DSCAML1: variants seen among roughly 807,000 people sequenced by gnomAD.
The protein encoded by DSCAML1 is DS cell adhesion molecule like 1.
DSCAML1 carries 38 observed loss-of-function variants against 200.5 expected under a neutral mutation model. The ratio of observed to expected loss-of-function variants is 0.19; its 90% CI spans 0.15 to 0.25. The LOEUF is 0.25. Ranked by LOEUF, DSCAML1 falls within the 10% of genes least tolerant of loss-of-function variation. The pLI, the probability that DSCAML1 is intolerant of heterozygous loss-of-function variation, is 1.00. For missense variants in DSCAML1, 2,223 were observed against 2,858.8 expected, an observed-to-expected ratio of 0.78 and a Z score of 5.07; for synonymous variants, 1,215 against 1,165.0, an observed-to-expected ratio of 1.04 and a Z score of -0.87.
chr11:117,679,197 C>G (rs1224387380), intron 3 of DSCAML1, among the ~76,000 whole-genome samples: 1 of 152,212 alleles, frequency 6.6e-6, no homozygotes, highest in African/African-American at 2.4e-5. Context: ...TGAAAGTGGT[C>G]TTAGATCCCC....
Position 117,518,579 on chromosome 11 carries a change from G to A in DSCAML1, c.1397C>T (p.Thr466Ile). The change falls in exon 7 of 33, where the codon ACC (threonine) becomes ATC (isoleucine). Residue 466 changes from threonine to isoleucine, a missense_variant. By Grantham distance (89) the Thr-to-Ile change is moderately conservative. Around this residue, in one of 7 missense-constraint regions of DSCAML1, gnomAD observed 579 missense variants for 721.5 expected, o/e 0.80. Coordinates refer to ENST00000651296, the MANE Select transcript of DSCAML1 (RefSeq NM_020693.4). This position sits in a 1 kb window ranked among gnomAD's most constrained non-coding sequence, Gnocchi z 6.3. ...TNQYTMSDGT[T>I]ISHMNVTGPQ... The stretch of plus-strand genomic sequence containing the variant: ...GCCTGTGACGTTCATGTGGCTGATG[G>A]TGGTGCCGTCCGACATGGTGTACTG... The A allele has an allele frequency of 6.2e-7, 1 of 1,614,120 alleles. No individual in the cohort carries two copies. The highest frequency in any genetic ancestry group is 8.5e-7 in the Non-Finnish European group (1 of 1,180,032).
At chr11:117,472,204 G>A (rs1283393447) in intron 14 of DSCAML1, among the ~76,000 whole-genome samples, 168 bp from the exon 15 acceptor site, 1 of 152,312 alleles carries the variant, frequency 6.6e-6, no homozygotes, top group Non-Finnish European at 1.5e-5. Context: ...GGTGCAAGGG[G>A]TCTGTCCCAT....
intron 3 of DSCAML1, among the ~76,000 whole-genome samples, chr11:117,664,919 C>T (rs1224260102): frequency 6.6e-6 from 1 of 152,180 alleles, no homozygotes; most frequent in Non-Finnish European, 1.5e-5. Flanking sequence ...ACCTTCAGAA[C>T]CACGTCTATC....
upstream of DSCAML1, among the ~76,000 whole-genome samples, chr11:117,797,948 A>G (rs2055614627): frequency 6.6e-6 from 1 of 152,178 alleles, no homozygotes; most frequent in South Asian, 2.1e-4. Context: ...TGAAGTTGGC[A>G]TAGAATAGGA....
chr11:117,814,407 G>A (rs999313306), intron 1 of DSCAML1, among the ~76,000 whole-genome samples: 4 of 152,222 alleles, frequency 2.6e-5, no homozygotes, highest in Non-Finnish European at 4.4e-5. Flanking sequence ...TTAGCTGTGA[G>A]GCCAAGGAAG....
intron 3 of DSCAML1, among the ~76,000 whole-genome samples, chr11:117,646,236 C>T (rs1037521237): frequency 6.6e-6 from 1 of 151,906 alleles, no homozygotes; most frequent in Non-Finnish European, 1.5e-5. Flanking sequence ...GCAGCCGTGG[C>T]CTGGCCAGAT....
chr11:117,439,609 A>G (rs754785019), intron 22 of DSCAML1, among the ~76,000 whole-genome samples, 180 bp from the exon 23 acceptor site: 2 of 152,136 alleles, frequency 1.3e-5, no homozygotes, highest in Non-Finnish European at 2.9e-5. Context: ...CTCTTTAACC[A>G]TCCGGGGAAG....
intron 27 of DSCAML1, among the ~76,000 whole-genome samples, chr11:117,434,024 C>G (rs2047857005): frequency 6.6e-6 from 1 of 152,180 alleles, no homozygotes; most frequent in Non-Finnish European, 1.5e-5. Context: ...AAGATCAGGA[C>G]TCTCAGGTTA....
chr11:117,610,850 C>CA (rs916756866), intron 3 of DSCAML1, among the ~76,000 whole-genome samples: 3 of 149,320 alleles, frequency 2.0e-5, no homozygotes, highest in Non-Finnish European at 4.5e-5. Flanking sequence ...ACCCCCCCCC[C>CA]CCACAATGTG....
chr11:117,734,940 G>T (rs1411487000), intron 3 of DSCAML1, among the ~76,000 whole-genome samples: 1 of 152,186 alleles, frequency 6.6e-6, no homozygotes, highest in East Asian at 1.9e-4. Context: ...TGCTGGTTGG[G>T]CCTGTGGGTG....
rs190672363 is a variant in DSCAML1 at position 117,474,902 on chromosome 11, A to C, written c.2786-2866T>G. Among the ~76,000 whole-genome samples the C allele has an allele frequency of 6.6e-3, 1,010 of 152,056 alleles. 5 individuals carry two copies. The highest frequency in any genetic ancestry group is 8.2e-3 in the Non-Finnish European group (560 of 67,974). ...CCGGAGTAGCTGGGACTACAGGCGC[A>C]TGCCACCACACCCAGATAATTTTTT... On this transcript the variant is annotated intron_variant, in intron 14 of 32. Transcript: ENST00000651296.
chr11:117,541,202 G>C (rs1460782863), intron 3 of DSCAML1, among the ~76,000 whole-genome samples: 1 of 152,202 alleles, frequency 6.6e-6, no homozygotes, highest in African/African-American at 2.4e-5. Flanking sequence ...GCCTCATTCA[G>C]GTCTCTGCTT....
At chr11:117,461,106 C>T (rs2048472917) in intron 18 of DSCAML1, among the ~76,000 whole-genome samples, 1 of 152,092 alleles carries the variant, frequency 6.6e-6, no homozygotes, top group Non-Finnish European at 1.5e-5. Flanking sequence ...CTATCATGCC[C>T]CCAACACTTC....
At chr11:117,770,173 A>C (rs1246384897) in intron 3 of DSCAML1, among the ~76,000 whole-genome samples, 1 of 152,150 alleles carries the variant, frequency 6.6e-6, no homozygotes, top group African/African-American at 2.4e-5. Flanking sequence ...TCTTTGTGGG[A>C]AGACACTATA....
At chr11:117,768,276 C>G (rs2054934566) in intron 3 of DSCAML1, among the ~76,000 whole-genome samples, 1 of 152,204 alleles carries the variant, frequency 6.6e-6, no homozygotes, top group African/African-American at 2.4e-5. Flanking sequence ...GAGATTAATA[C>G]TACATCCTAG....
intron 22 of DSCAML1, 42 bp from the exon 23 acceptor site, chr11:117,439,471 C>T (rs759602825): frequency 6.3e-7 from 1 of 1,590,366 alleles, no homozygotes; most frequent in Non-Finnish European, 8.6e-7. Flanking sequence ...ATGTCAAGCA[C>T]CCCTTCCTCC....
At position 117,437,866 on chromosome 11, in the gene DSCAML1, C is replaced by T. The variant is rs1380695244; in HGVS notation, c.4432+29G>A. The stretch of plus-strand genomic sequence containing the variant: ...CCCACCCTCCCTGGGCCCATCGCTC[C>T]TTCCCTGCCCCAGTGGCCTGGGCCT... On this transcript the variant is annotated intron_variant, in intron 25 of 32. Coordinates refer to ENST00000651296, the MANE Select transcript of DSCAML1 (RefSeq NM_020693.4). This position sits in a 1 kb window ranked among gnomAD's most constrained non-coding sequence, Gnocchi z 5.3. 1.3e-6 allele frequency: 2 copies of T among 1,580,680 alleles called. No individual in the cohort carries two copies. The highest frequency in any genetic ancestry group is 2.3e-5 in the South Asian group (2 of 86,868).
At position 117,780,930 on chromosome 11, in the gene DSCAML1, G is replaced by T; in HGVS notation, c.47-120C>A. Reference sequence around the variant, plus strand: ...CTGACCTTCAAGCATCAGTCATTCAGTATGCACTTATTGAGCACTGACTAT... The same window carrying T: ...CTGACCTTCAAGCATCAGTCATTCATTATGCACTTATTGAGCACTGACTAT... On this transcript the variant is annotated intron_variant, in intron 1 of 32. Coordinates refer to ENST00000651296, the MANE Select transcript of DSCAML1 (RefSeq NM_020693.4). This position sits in a 1 kb window ranked among gnomAD's most constrained non-coding sequence, Gnocchi z 4.8. The T allele has an allele frequency of 1.3e-6, 1 of 746,178 alleles. No individual in the cohort carries two copies. Among genetic ancestry groups the T allele is most frequent in the Non-Finnish European group, 1.9e-6 (1 of 516,806 alleles). 46.2% of individuals were successfully genotyped at this position (746,178 alleles called of 1,614,324 possible).
At chr11:117,481,938 C>A in intron 12 of DSCAML1, 25 bp downstream of exon 12, 4 of 1,613,158 alleles carry the variant, frequency 2.5e-6, no homozygotes, top group Non-Finnish European at 3.4e-6. Context: ...TTGGGGTCCC[C>A]CAGCACTGAG....
Sources: gnomAD v4.1 joint callset for allele counts (sites outside exome capture counted in the v4.1 genomes callset) on GRCh38, gnomAD v4.1.1 for gene constraint, gnomAD v4.1.1 regional missense constraint, Gnocchi (gnomAD v3.1) non-coding constraint, MANE v1.5 for transcripts, NCBI Gene and HGNC (gene_info 2026-07-23, HGNC 2026-07-21) for gene names.